Variants in PPP2R2B observed in about 807,000 individuals in gnomAD.
The protein encoded by PPP2R2B is serine/threonine-protein phosphatase 2A 55 kDa regulatory subunit B beta isoform.
Under a neutral mutation model 46.0 loss-of-function variants are expected in PPP2R2B, and 5 were observed. The ratio of observed to expected loss-of-function variants is 0.11; its 90% CI spans 0.06 to 0.23. The LOEUF is 0.23. Ranked by LOEUF, PPP2R2B falls within the 10% of genes least tolerant of loss-of-function variation. The pLI, the probability that PPP2R2B is intolerant of heterozygous loss-of-function variation, is 1.00. For synonymous variants in PPP2R2B, 215 were observed against 206.7 expected, an observed-to-expected ratio of 1.04 and a Z score of -0.34; for missense variants, 367 against 575.0, an observed-to-expected ratio of 0.64 and a Z score of 3.70.
chr5:146,816,744 G>GAGTC (rs1256930016), intron 2 of PPP2R2B, among the ~76,000 whole-genome samples: 3 of 152,154 alleles, frequency 2.0e-5, no homozygotes, highest in African/African-American at 7.2e-5. Flanking sequence ...TAACATTGAA[G>GAGTC]AGTCTTTTGT....
At chr5:147,044,607 C>A (rs1580849204) in intron 1 of PPP2R2B, among the ~76,000 whole-genome samples, 3 of 152,124 alleles carry the variant, frequency 2.0e-5, no homozygotes, top group Admixed American at 6.6e-5. Flanking sequence ...TAAGCTTCTG[C>A]AGGATTTTAC....
At chr5:146,743,189 T>C (rs550906916) in intron 2 of PPP2R2B, among the ~76,000 whole-genome samples, 7 of 152,224 alleles carry the variant, frequency 4.6e-5, no homozygotes, top group Non-Finnish European at 8.8e-5. Context: ...AACAGCCTTT[T>C]GGTCTGAAGA....
chr5:146,600,348 G>A lies in PPP2R2B; in HGVS notation c.903C>T (p.Tyr301=), dbSNP rs2151016908. ...HSGRYIMTRD[Y]LTVKVWDLNM... ...TGAGATCCCAGACTTTGACGGTCAAGTAGTCCCTGGTCATGATATACCTCC... is the reference window on the plus strand; with the variant it reads ...TGAGATCCCAGACTTTGACGGTCAAATAGTCCCTGGTCATGATATACCTCC... Residue 301 remains tyrosine (Y), a synonymous_variant, in exon 8 of 10, where the codon TAC becomes TAT. Transcript: ENST00000394411. 3 of 1,613,962 alleles carry A rather than the reference G, an allele frequency of 1.9e-6. No homozygotes were observed. The highest frequency in any genetic ancestry group is 2.5e-6 in the Non-Finnish European group (3 of 1,179,906).
upstream of PPP2R2B, chr5:146,878,808 G>A: frequency 1.6e-6 from 2 of 1,278,478 alleles, no homozygotes; most frequent in South Asian, 1.3e-5. This position sits in a 1 kb window ranked among gnomAD's most constrained non-coding sequence, Gnocchi z 4.5. Flanking sequence ...CCTCCCAACC[G>A]CGTCAGCAGC....
chr5:147,021,673 G>A (rs906368779), intron 1 of PPP2R2B, among the ~76,000 whole-genome samples: 2 of 152,228 alleles, frequency 1.3e-5, no homozygotes, highest in South Asian at 2.1e-4. Flanking sequence ...TTGCAAACAG[G>A]CCTTAAAAGG....
intron 5 of PPP2R2B, among the ~76,000 whole-genome samples, chr5:146,660,113 C>A (rs1452750039): frequency 6.6e-6 from 1 of 152,132 alleles, no homozygotes; most frequent in African/African-American, 2.4e-5. Context: ...AAATCTTGAA[C>A]AATATGGACG....
intron 1 of PPP2R2B, among the ~76,000 whole-genome samples, chr5:146,980,522 G>T (rs1753119813): frequency 6.6e-6 from 1 of 152,140 alleles, no homozygotes; most frequent in Non-Finnish European, 1.5e-5. Flanking sequence ...CAAGGAAAAG[G>T]AAGGAGAGGA....
intron 6 of PPP2R2B, among the ~76,000 whole-genome samples, chr5:146,647,769 C>T (rs1775685580): frequency 6.6e-6 from 1 of 152,120 alleles, no homozygotes; most frequent in Non-Finnish European, 1.5e-5. Context: ...GCCAGCTGAG[C>T]CTGAGCAGAT....
chr5:147,013,417 G>A (rs1456751419), intron 1 of PPP2R2B, among the ~76,000 whole-genome samples: 3 of 63,764 alleles, frequency 4.7e-5, no homozygotes, highest in East Asian at 2.9e-4. Flanking sequence ...AAAAGAGCCC[G>A]CATCGCCAAG....
intron 1 of PPP2R2B, among the ~76,000 whole-genome samples, chr5:147,008,679 C>T (rs1353311081): frequency 6.6e-6 from 1 of 152,178 alleles, no homozygotes; most frequent in African/African-American, 2.4e-5. Context: ...CCACCCCCCA[C>T]TCCTATGTCC....
At chr5:146,642,456 G>A (rs1775284232) in intron 6 of PPP2R2B, among the ~76,000 whole-genome samples, 1 of 152,146 alleles carries the variant, frequency 6.6e-6, no homozygotes, top group South Asian at 2.1e-4. Context: ...CATGATATTA[G>A]AAAAAGATTG....
At chr5:146,652,332 C>T (rs1776027370) in intron 5 of PPP2R2B, among the ~76,000 whole-genome samples, 1 of 152,188 alleles carries the variant, frequency 6.6e-6, no homozygotes, top group South Asian at 2.1e-4. Context: ...ACCTCCAATG[C>T]ATCCTCCTAC....
rs1431288467 is a variant in PPP2R2B at position 146,589,253 on chromosome 5, C to T, written c.*694G>A. On this transcript the variant is annotated 3_prime_UTR_variant, in exon 10 of 10. Transcript: ENST00000394411. Reference sequence around the variant, plus strand: ...TCTGGGAAGCACTGTGTCGAAAGTGCTCTCTTTCTGTCCCCTGAAGCATTC... The same window carrying T: ...TCTGGGAAGCACTGTGTCGAAAGTGTTCTCTTTCTGTCCCCTGAAGCATTC... 6 of 152,372 alleles carry T rather than the reference C, an allele frequency of 3.9e-5. No homozygotes were observed. The East Asian group carries it at 1.2e-3, about 29-fold the overall frequency. The allele number at this position is 152,372 out of a possible 1,614,324, so 9.4% of individuals were successfully genotyped here.
intron 1 of PPP2R2B, among the ~76,000 whole-genome samples, chr5:146,990,019 A>G (rs1753619358): frequency 9.4e-6 from 1 of 106,660 alleles, no homozygotes; most frequent in South Asian, 3.2e-4. Flanking sequence ...GCTAGACATA[A>G]TAACCAAGGA....
intron 2 of PPP2R2B, among the ~76,000 whole-genome samples, chr5:146,843,374 T>C (rs184374174): frequency 2.7e-4 from 41 of 152,286 alleles, no homozygotes; most frequent in African/African-American, 9.4e-4. Context: ...TTACCAATAA[T>C]GTATAATATA....
chr5:147,057,186 T>A (rs1757114792), upstream of PPP2R2B, among the ~76,000 whole-genome samples: 1 of 152,178 alleles, frequency 6.6e-6, no homozygotes, highest in Admixed American at 6.5e-5. Flanking sequence ...CCCACCAGTA[T>A]GCCACTTCTC....
chr5:146,897,834 T>C (rs1014849391), intron 1 of PPP2R2B, among the ~76,000 whole-genome samples: 8 of 151,804 alleles, frequency 5.3e-5, no homozygotes, highest in Admixed American at 2.6e-4. Flanking sequence ...AATTAAAAAA[T>C]ATGGCAAATT....
chr5:146,867,070 A>G (rs746767648), intron 2 of PPP2R2B, among the ~76,000 whole-genome samples: 4 of 152,218 alleles, frequency 2.6e-5, no homozygotes, highest in Non-Finnish European at 5.9e-5. Flanking sequence ...ATGAAAGGTA[A>G]TGAGAAGAAT....
At chr5:146,648,758 C>T (rs1775746373) in intron 6 of PPP2R2B, among the ~76,000 whole-genome samples, 1 of 152,000 alleles carries the variant, frequency 6.6e-6, no homozygotes, top group South Asian at 2.1e-4. Flanking sequence ...CATGTGAATG[C>T]TGTGGGCAAA....
Sources: gnomAD v4.1 joint callset for allele counts (sites outside exome capture counted in the v4.1 genomes callset) on GRCh38, gnomAD v4.1.1 for gene constraint, Gnocchi (gnomAD v3.1) non-coding constraint, MANE v1.5 for transcripts, NCBI Gene and HGNC (gene_info 2026-07-23, HGNC 2026-07-21) for gene names.